The following ANOS1 variants were observed in gnomAD, a reference collection of about 807,000 sequenced individuals.
ANOS1 encodes anosmin 1, also known as anosmin-1.
In ANOS1, 6 loss-of-function variants were observed where a neutral mutation model predicts 59.0. The observed-to-expected ratio is 0.10, with a 90% confidence interval of 0.06 to 0.20. The LOEUF (loss-of-function observed/expected upper bound fraction) is 0.20. ANOS1 is among the 10% of genes least tolerant of loss of function. ANOS1 has a pLI of 1.00. For missense variants in ANOS1, 433 were observed against 542.3 expected (o/e 0.80, Z 2.00); for synonymous variants, 217 against 223.4 (o/e 0.97, Z 0.25).
chrX:8,600,575 A>G (rs1930823892), intron 3 of ANOS1, among the ~76,000 whole-genome samples: 1 of 112,211 alleles, frequency 8.9e-6, no homozygotes, highest in East Asian at 2.8e-4. Flanking sequence ...TGACAAATTT[A>G]CAGCTAATTT....
intron 2 of ANOS1, among the ~76,000 whole-genome samples, chrX:8,633,536 GC>G (rs1931524301): frequency 8.9e-6 from 1 of 111,746 alleles, no homozygotes; most frequent in African/African-American, 3.2e-5. Flanking sequence ...CAGTATTGAA[GC>G]TTCAAATAGT....
Position 8,535,630 on chromosome X carries a change from T to C in ANOS1, c.1803A>G (p.Leu601=), listed in dbSNP as rs1307918946. 35 of 1,208,910 alleles carry C rather than the reference T, an allele frequency of 2.9e-5. No homozygotes were observed. Among genetic ancestry groups the C allele is most frequent in the Non-Finnish European group, 3.9e-5 (35 of 893,904 alleles). The part of the protein sequence containing the change: ...EVTTESRQNS[L]PNSIISQSQI... The stretch of plus-strand genomic sequence containing the variant: ...GGGACTGTGAAATAATGCTGTTGGG[T>C]AGGCTGTTCTGTCTGCTTTCCGTAG... Residue 601 remains leucine, a synonymous_variant, in exon 12 of 14, where the codon CTA becomes CTG. Coordinates refer to ENST00000262648, the MANE Select transcript of ANOS1 (RefSeq NM_000216.4).
chrX:8,659,097 T>G (rs748222610), intron 2 of ANOS1, among the ~76,000 whole-genome samples: 41 of 110,343 alleles, frequency 3.7e-4, no homozygotes, highest in Non-Finnish European at 7.0e-4. Flanking sequence ...TGTGGTGGTG[T>G]GTGCCTGTAA....
intron 2 of ANOS1, among the ~76,000 whole-genome samples, chrX:8,664,743 G>T (rs1932106521): frequency 9.0e-6 from 1 of 111,465 alleles, no homozygotes; most frequent in Non-Finnish European, 1.9e-5. Flanking sequence ...CACGGTCTCT[G>T]CAGATAGGTT....
intron 5 of ANOS1, among the ~76,000 whole-genome samples, chrX:8,586,984 G>T (rs1601965913): frequency 9.4e-6 from 1 of 106,851 alleles, no homozygotes; most frequent in Non-Finnish European, 1.9e-5. Context: ...TCTAGTCCTT[G>T]GAAAAAATGA....
intron 10 of ANOS1, among the ~76,000 whole-genome samples, chrX:8,537,749 C>CGTGTGTGTGT (rs202035920): frequency 8.4e-5 from 8 of 94,738 alleles, no homozygotes; most frequent in African/African-American, 2.7e-4. Flanking sequence ...ATGGTTTTTA[C>CGTGTGTGTGT]GTGTGTGTGT....
intron 2 of ANOS1, among the ~76,000 whole-genome samples, chrX:8,671,989 T>A (rs926297425): frequency 1.8e-5 from 2 of 110,999 alleles, no homozygotes; most frequent in Non-Finnish European, 3.8e-5. Flanking sequence ...ATAGCCACCA[T>A]GTTGTACAAT....
chrX:8,541,715 TTTAA>T (rs1174583536), intron 9 of ANOS1, among the ~76,000 whole-genome samples: 1 of 76,567 alleles, frequency 1.3e-5, no homozygotes, highest in Non-Finnish European at 2.5e-5. Flanking sequence ...AACAGAGGAA[TTTAA>T]TTCTTTATTC....
intron 2 of ANOS1, among the ~76,000 whole-genome samples, chrX:8,630,429 C>CATAA (rs977259355): frequency 9.1e-6 from 1 of 109,936 alleles, no homozygotes; most frequent in Non-Finnish European, 1.9e-5. Context: ...GCCTCCATCT[C>CATAA]ATAAATAAAT....
intron 2 of ANOS1, among the ~76,000 whole-genome samples, chrX:8,696,554 A>C (rs1932687748): frequency 1.8e-5 from 2 of 112,667 alleles, no homozygotes; most frequent in Non-Finnish European, 3.7e-5. Flanking sequence ...TGCTTGGCAC[A>C]TACCTTGTAC....
intron 9 of ANOS1, among the ~76,000 whole-genome samples, chrX:8,550,038 A>C (rs1019512016): frequency 8.9e-6 from 1 of 111,867 alleles, no homozygotes; most frequent in Non-Finnish European, 1.9e-5. Context: ...AAGATATGGA[A>C]AGGAAAATAT....
intron 1 of ANOS1, among the ~76,000 whole-genome samples, chrX:8,724,607 G>A (rs1034097633): frequency 3.6e-5 from 4 of 112,393 alleles, no homozygotes; most frequent in African/African-American, 9.7e-5. Flanking sequence ...GGTGCCCATC[G>A]GCCAAAGGTT....
intron 3 of ANOS1, among the ~76,000 whole-genome samples, chrX:8,604,871 C>CA (rs1037878494): frequency 6.2e-5 from 7 of 112,229 alleles, no homozygotes; most frequent in Non-Finnish European, 1.3e-4. Context: ...TCAGTGACAT[C>CA]AAAAAAATAG....
intron 2 of ANOS1, among the ~76,000 whole-genome samples, chrX:8,636,896 A>G (rs1242844610): frequency 8.9e-6 from 1 of 112,371 alleles, no homozygotes; most frequent in African/African-American, 3.2e-5. Context: ...TCATATTCAT[A>G]ACTTTTCAGA....
chrX:8,668,911 T>TA (rs754393865), intron 2 of ANOS1, among the ~76,000 whole-genome samples: 48 of 111,655 alleles, frequency 4.3e-4, no homozygotes, highest in African/African-American at 1.6e-3. Flanking sequence ...GGAGTCACAG[T>TA]ATCAAAACGA....
chrX:8,565,284 C>T (rs1214371878), intron 8 of ANOS1, among the ~76,000 whole-genome samples: 1 of 111,852 alleles, frequency 8.9e-6, no homozygotes, highest in Non-Finnish European at 1.9e-5. Flanking sequence ...ATGAAATCTC[C>T]ACCACCAGTA....
chrX:8,688,987 A>G (rs1243071612), intron 2 of ANOS1, among the ~76,000 whole-genome samples: 1 of 111,966 alleles, frequency 8.9e-6, no homozygotes, highest in Non-Finnish European at 1.9e-5. Flanking sequence ...TGCCGCCTTC[A>G]ATGCTGGAGG....
Position 8,535,599 on chromosome X carries a change from G to C in ANOS1, c.1834C>G (p.Leu612Val), listed in dbSNP as rs774850696. The C allele has an allele frequency of 5.8e-6, 7 of 1,203,470 alleles. No homozygotes were observed. Among genetic ancestry groups the C allele is most frequent in the Non-Finnish European group, 7.9e-6 (7 of 887,677 alleles). Residue 612 changes from leucine to valine, a missense_variant, in exon 12 of 14, where the codon CTG (leucine) becomes GTG (valine). Transcript: ENST00000262648. ...PNSIISQSQI[L>V]PSDHYVLTVP... ...CAAGAGGTGGGACCTACGGAAGGCA[G>C]GATCTGGGACTGTGAAATAATGCTG...
intron 6 of ANOS1, among the ~76,000 whole-genome samples, chrX:8,584,428 TTTTA>T (rs1930475795): frequency 2.8e-5 from 3 of 107,560 alleles, no homozygotes; most frequent in Admixed American, 1.0e-4. Flanking sequence ...GTTTGTTTGT[TTTTA>T]AAAAAAAGAG....
Sources: gnomAD v4.1 joint callset for allele counts (sites outside exome capture counted in the v4.1 genomes callset) on GRCh38, gnomAD v4.1.1 for gene constraint, MANE v1.5 for transcripts, NCBI Gene and HGNC (gene_info 2026-07-23, HGNC 2026-07-21) for gene names.